ARAP2: variants seen among roughly 807,000 people sequenced by gnomAD.
The protein encoded by ARAP2 is arf-GAP with Rho-GAP domain, ANK repeat and PH domain-containing protein 2.
A neutral mutation model predicts 194.5 loss-of-function variants in ARAP2; 148 were observed. The ratio of observed to expected loss-of-function variants is 0.76; its 90% CI spans 0.67 to 0.87. ARAP2 has a LOEUF of 0.87. ARAP2 is among the 40% of genes least tolerant of loss of function. The pLI is 0.00. For missense variants in ARAP2, 2,128 were observed against 1,989.7 expected (o/e 1.07, Z -1.32); for synonymous variants, 695 against 683.5 (o/e 1.02, Z -0.26).
At chr4:36,139,279 G>T (rs1436304229) in intron 19 of ARAP2, among the ~76,000 whole-genome samples, 1 of 151,522 alleles carries the variant, frequency 6.6e-6, no homozygotes, top group Non-Finnish European at 1.5e-5. Context: ...AGAATTTTTT[G>T]ATTATATCCA....
intron 9 of ARAP2, among the ~76,000 whole-genome samples, chr4:36,171,903 A>C (rs1190650800): frequency 6.6e-6 from 1 of 152,246 alleles, no homozygotes; most frequent in Non-Finnish European, 1.5e-5. Context: ...AATTAAATTA[A>C]AAATAAATTG....
At position 36,160,564 on chromosome 4, in the gene ARAP2, C is replaced by T. The variant is rs778664204; in HGVS notation, c.2337G>A (p.Met779Ile). 2.6e-6 allele frequency: 4 copies of T among 1,554,124 alleles called. No homozygotes were observed. The South Asian group carries it at 3.8e-5, about 15-fold the overall frequency. Residue 779 changes from methionine to isoleucine, a missense_variant, in exon 13 of 33, where the codon ATG becomes ATA. Transcript: ENST00000303965. ...GNLQKDEELH[M>I]DSPVEKRKNF... ...TTTTTCTCTTTTCTACTGGTGAGTC[C>T]ATATGTAATTCTTCATCCTTTTGAA...
intron 20 of ARAP2, among the ~76,000 whole-genome samples, chr4:36,130,017 T>G (rs767639936): frequency 2.0e-5 from 3 of 151,536 alleles, no homozygotes; most frequent in Admixed American, 6.6e-5. Context: ...TCAGAGTATT[T>G]CTTTCTCAAT....
chr4:36,040,169 A>G (rs1236927278), intron 5 of ARAP2, among the ~76,000 whole-genome samples: 1 of 152,156 alleles, frequency 6.6e-6, no homozygotes, highest in Non-Finnish European at 1.5e-5. Context: ...CACAAAATAG[A>G]TTTTTGTTCT....
intron 11 of ARAP2, 23 bp downstream of exon 11, chr4:36,164,891 G>T (rs1734915766): frequency 1.9e-6 from 3 of 1,609,330 alleles, no homozygotes; most frequent in South Asian, 2.2e-5. Flanking sequence ...AAGCTGTGAT[G>T]AGCATAACTT....
At chr4:36,048,667 A>G (rs1203769984) in intron 3 of ARAP2, among the ~76,000 whole-genome samples, 1 of 152,174 alleles carries the variant, frequency 6.6e-6, no homozygotes, top group Non-Finnish European at 1.5e-5. Context: ...TGCTATGGAC[A>G]TAACAGGTAC....
chr4:36,239,338 G>A (rs1188589479), intron 1 of ARAP2, among the ~76,000 whole-genome samples: 1 of 152,120 alleles, frequency 6.6e-6, no homozygotes, highest in African/African-American at 2.4e-5. Flanking sequence ...AACTTCAAAT[G>A]TGGTGCAAAA....
chr4:36,223,964 G>A (rs868130235), intron 2 of ARAP2, among the ~76,000 whole-genome samples: 15 of 151,998 alleles, frequency 9.9e-5, no homozygotes, highest in African/African-American at 3.6e-4. Flanking sequence ...AATTAAAATG[G>A]TTTGTTTAAA....
intron 5 of ARAP2, among the ~76,000 whole-genome samples, chr4:36,041,296 T>C (rs1720831325): frequency 2.6e-5 from 4 of 151,978 alleles, no homozygotes; most frequent in Admixed American, 2.6e-4. Flanking sequence ...AAAAGTCTAA[T>C]ACCCAGCATC....
At chr4:36,054,313 A>T (rs1410781001) in intron 2 of ARAP2, among the ~76,000 whole-genome samples, 1 of 152,192 alleles carries the variant, frequency 6.6e-6, no homozygotes, top group Non-Finnish European at 1.5e-5. Flanking sequence ...ATAAATATAC[A>T]CCATTGGCAT....
At chr4:36,019,198 G>A (rs1716444453) in exon 6 of ARAP2, 1 of 149,552 alleles carries the variant, frequency 6.7e-6, no homozygotes, top group African/African-American at 2.6e-5. Flanking sequence ...TGGTTCAGTA[G>A]TAGAATAAGT....
intron 8 of ARAP2, among the ~76,000 whole-genome samples, chr4:36,185,304 A>G (rs1188850372): frequency 1.3e-5 from 2 of 152,240 alleles, no homozygotes; most frequent in Non-Finnish European, 2.9e-5. Flanking sequence ...CACTATGTAC[A>G]TAGATAGGTT....
At chr4:36,071,414 A>C (rs566838949) in intron 32 of ARAP2, among the ~76,000 whole-genome samples, 1 of 152,134 alleles carries the variant, frequency 6.6e-6, no homozygotes, top group Non-Finnish European at 1.5e-5. Context: ...TTGCCTCTTC[A>C]TGTGTGATTT....
Position 36,014,326 on chromosome 4 carries a change from G to T in ARAP2, n.1056+1060C>A, listed in dbSNP as rs574801674. On this transcript the variant is annotated intron_variant and non_coding_transcript_variant, in intron 8 of 12. Coordinates refer to the ARAP2 transcript ENST00000503225. ...AGAAGGAAGGAAAGAAAGAAAGAGA[G>T]AAAGAAAGAAAGAAAGAAAGAAAGA... Among the ~76,000 whole-genome samples the T allele has an allele frequency of 3.7e-3, 147 of 40,232 alleles. 5 individuals are homozygous for T. Among genetic ancestry groups the T allele is most frequent in the African/African-American group, 0.012 (132 of 11,366 alleles). The allele number at this position is 40,232 out of a possible 152,430, so 26.4% of individuals were successfully genotyped here. A position where few individuals can be genotyped will look rare whatever the true frequency, so the allele number is the denominator to read the frequency against.
chr4:36,215,775 G>T (rs1324352379), intron 2 of ARAP2, among the ~76,000 whole-genome samples: 1 of 151,988 alleles, frequency 6.6e-6, no homozygotes, highest in Non-Finnish European at 1.5e-5. Flanking sequence ...CTTGAGCCCA[G>T]GAGGCGGAGC....
chr4:36,240,330 T>C (rs982097001), intron 1 of ARAP2, among the ~76,000 whole-genome samples: 15 of 152,338 alleles, frequency 9.8e-5, no homozygotes, highest in Non-Finnish European at 2.1e-4. Context: ...AAATTATCAC[T>C]GTAAATCATT....
intron 9 of ARAP2, among the ~76,000 whole-genome samples, chr4:36,168,881 G>T (rs79273354): frequency 6.6e-5 from 10 of 152,206 alleles, no homozygotes; most frequent in Admixed American, 4.6e-4. Context: ...TGATCTCTAC[G>T]GAAGGAAGAA....
At position 36,177,919 on chromosome 4, in the gene ARAP2, C is replaced by G. The variant is rs1264617116; in HGVS notation, c.1765G>C (p.Glu589Gln). ...TSQSQAVVTP[E>Q]KCGYLELRGY... Reference sequence around the variant, plus strand: ...CTCAATTCAAGATATCCACATTTCTCAGGTGTAACAACAGCTTGAGACTGC... The same window carrying G: ...CTCAATTCAAGATATCCACATTTCTGAGGTGTAACAACAGCTTGAGACTGC... Residue 589 changes from glutamate to glutamine, a missense_variant, in exon 9 of 33, where the codon GAG (glutamate) becomes CAG (glutamine). By Grantham distance (29) the Glu-to-Gln change is conservative. Coordinates refer to ENST00000303965, the MANE Select transcript of ARAP2 (RefSeq NM_015230.4). The G allele has an allele frequency of 6.2e-7, 1 of 1,613,710 alleles. No homozygotes were observed. The highest frequency in any genetic ancestry group is 1.7e-5 in the Admixed American group (1 of 59,984).
At chr4:36,218,463 T>C (rs576800993) in intron 2 of ARAP2, among the ~76,000 whole-genome samples, 2 of 151,862 alleles carry the variant, frequency 1.3e-5, no homozygotes, top group African/African-American at 2.4e-5. Context: ...GAGATCCAAT[T>C]GCATTTAAGC....
Sources: allele counts gnomAD v4.1 joint callset (sites outside exome capture counted in the v4.1 genomes callset), GRCh38; gene constraint gnomAD v4.1.1; transcripts MANE v1.5; gene names NCBI Gene and HGNC (gene_info 2026-07-23, HGNC 2026-07-21).